Variants in PDE1C observed in about 807,000 individuals in gnomAD.
PDE1C encodes the protein phosphodiesterase 1C.
A neutral mutation model predicts 93.1 loss-of-function variants in PDE1C; 62 were observed. That is an observed-to-expected ratio of 0.67 (90% CI 0.54 to 0.82). The LOEUF is 0.82. Ranked by LOEUF, PDE1C falls within the 40% of genes least tolerant of loss-of-function variation. PDE1C has a pLI of 0.00. For synonymous variants in PDE1C, 325 were observed against 310.1 expected, an observed-to-expected ratio of 1.05 and a Z score of -0.50; for missense variants, 742 against 884.6, an observed-to-expected ratio of 0.84 and a Z score of 2.04.
chr7:31,673,056 C>A, the PDE1C span, among the ~76,000 whole-genome samples: 1 of 152,290 alleles, frequency 6.6e-6, no homozygotes, highest in Non-Finnish European at 1.5e-5. Flanking sequence ...GCCTCCTCTG[C>A]CACATGGAAC....
At chr7:31,882,256 C>T (rs1459894779) in intron 2 of PDE1C, among the ~76,000 whole-genome samples, 1 of 152,114 alleles carries the variant, frequency 6.6e-6, no homozygotes, top group African/African-American at 2.4e-5. Flanking sequence ...AGCAGAGGCC[C>T]CTGCAGGCTT....
At chr7:31,838,627 T>A (rs1197040543) in intron 9 of PDE1C, among the ~76,000 whole-genome samples, 1 of 152,124 alleles carries the variant, frequency 6.6e-6, no homozygotes, top group Non-Finnish European at 1.5e-5. Context: ...ACCATCACAA[T>A]ATCCATACAG....
intron 3 of PDE1C, among the ~76,000 whole-genome samples, chr7:32,095,473 T>A (rs1797702379): frequency 6.6e-6 from 1 of 152,180 alleles, no homozygotes; most frequent in South Asian, 2.1e-4. Flanking sequence ...CTAAAACTGG[T>A]TCACCCTTTG....
intron 2 of PDE1C, among the ~76,000 whole-genome samples, chr7:32,007,974 TTAAGA>T (rs1786508703): frequency 6.6e-6 from 1 of 152,194 alleles, no homozygotes; most frequent in Non-Finnish European, 1.5e-5. Flanking sequence ...CAGAGAACTT[TTAAGA>T]TAAGTGGTAA....
chr7:31,786,758 C>T (rs1781342304), intron 16 of PDE1C: 1 of 152,130 alleles, frequency 6.6e-6, no homozygotes, highest in Non-Finnish European at 1.5e-5. Context: ...TTAGAATCTT[C>T]TCTATTTCAC....
intron 2 of PDE1C, among the ~76,000 whole-genome samples, chr7:32,203,890 T>A (rs781402219): frequency 1.3e-5 from 2 of 152,192 alleles, no homozygotes; most frequent in African/African-American, 2.4e-5. Context: ...GAAAATTCGC[T>A]CTCCCTGTGG....
chr7:31,755,502 C>G (rs967453889), intron 17 of PDE1C, among the ~76,000 whole-genome samples: 1 of 151,882 alleles, frequency 6.6e-6, no homozygotes, highest in Non-Finnish European at 1.5e-5. Flanking sequence ...ATGACTGATT[C>G]CAGAACTCGG....
At chr7:32,216,642 T>C (rs753097899) in intron 1 of PDE1C, among the ~76,000 whole-genome samples, 2 of 152,228 alleles carry the variant, frequency 1.3e-5, no homozygotes, top group Non-Finnish European at 2.9e-5. Context: ...GAATAAATCA[T>C]AGATACCAAA....
the PDE1C span, among the ~76,000 whole-genome samples, chr7:31,737,248 G>T: frequency 6.6e-6 from 1 of 151,822 alleles, no homozygotes. Flanking sequence ...CAAAGTGCTT[G>T]CATTACAGGT....
intron 1 of PDE1C, among the ~76,000 whole-genome samples, chr7:32,295,914 AAAAT>A (rs1215720360): frequency 1.1e-4 from 16 of 151,228 alleles, no homozygotes; most frequent in African/African-American, 2.7e-4. Flanking sequence ...AAAAAAAAAA[AAAAT>A]GTACTTATGA....
chr7:32,013,359 T>A (rs1223476575), intron 2 of PDE1C, among the ~76,000 whole-genome samples: 1 of 152,146 alleles, frequency 6.6e-6, no homozygotes, highest in African/African-American at 2.4e-5. Flanking sequence ...GAACATAAAT[T>A]TTCTCAGCAA....
chr7:31,667,874 A>C, the PDE1C span, among the ~76,000 whole-genome samples: 22 of 152,056 alleles, frequency 1.4e-4, no homozygotes, highest in African/African-American at 5.3e-4. Context: ...ATCTGTGACC[A>C]GTGCTTTTTC....
At chr7:31,850,932 T>G in intron 7 of PDE1C, 191 bp from the exon 8 acceptor site, 1 of 564,548 alleles carries the variant, frequency 1.8e-6, no homozygotes, top group Non-Finnish European at 3.2e-6. Flanking sequence ...TTGTTAACAA[T>G]GTGTTCAGCA....
intron 3 of PDE1C, among the ~76,000 whole-genome samples, chr7:32,087,218 G>A (rs1043332599): frequency 3.4e-5 from 5 of 148,856 alleles, no homozygotes; most frequent in Non-Finnish European, 6.0e-5. Context: ...CTCAAAAGAA[G>A]ACATTTATGC....
In PDE1C at chr7:31,819,767, C is replaced by T. The variant is rs571595008; in HGVS notation, c.1582+3306G>A. 2.1e-3 allele frequency among the ~76,000 whole-genome samples: 312 copies of T among 152,150 alleles called. 4 individuals carry two copies. The highest frequency in any genetic ancestry group is 2.7e-3 in the Admixed American group (41 of 15,266). ...CCTGAATAATGATACTATAGGGTCT[C>T]AGTTAAAAACTGTATTGGGCTAATT... On this transcript the variant is annotated intron_variant, in intron 14 of 17. Coordinates refer to ENST00000396191, the MANE Select transcript of PDE1C (RefSeq NM_001191057.4).
the PDE1C span, among the ~76,000 whole-genome samples, chr7:31,635,487 A>AT: frequency 7.9e-5 from 12 of 152,168 alleles, no homozygotes; most frequent in South Asian, 2.1e-4. Flanking sequence ...CCAATGTCTG[A>AT]TTTTTTATTG....
the PDE1C span, among the ~76,000 whole-genome samples, chr7:31,726,960 C>A: frequency 6.6e-6 from 1 of 152,004 alleles, no homozygotes; most frequent in African/African-American, 2.4e-5. Context: ...CACTTGAACC[C>A]GGGAGGTGGA....
At chr7:31,939,986 A>C (rs1051541214) in intron 2 of PDE1C, among the ~76,000 whole-genome samples, 1 of 152,158 alleles carries the variant, frequency 6.6e-6, no homozygotes, top group Non-Finnish European at 1.5e-5. Context: ...GAAACTAGGA[A>C]ATCTCCCCAA....
At position 32,416,263 on chromosome 7, in the gene PDE1C, G is replaced by C. The variant is rs1048321139; in HGVS notation, c.310+11559C>G. ...CCCTTTCTGATTCCCCCTGGACACA[G>C]AGACTCCGTGGGTGCTCAGGGAATG... On this transcript the variant is annotated intron_variant, in intron 1 of 1. Transcript: ENST00000672256. 2.6e-5 allele frequency among the ~76,000 whole-genome samples: 4 copies of C among 152,220 alleles called. No individual in the cohort carries two copies. In the East Asian group the frequency reaches 7.7e-4, roughly 29 times the overall value.
Sources: gnomAD v4.1 joint callset for allele counts (sites outside exome capture counted in the v4.1 genomes callset) on GRCh38, gnomAD v4.1.1 for gene constraint, MANE v1.5 for transcripts, NCBI Gene and HGNC (gene_info 2026-07-23, HGNC 2026-07-21) for gene names.